The following CDH13 variants were observed in gnomAD, a reference collection of about 807,000 sequenced individuals.
CDH13 encodes cadherin 13, also known as cadherin-13.
A neutral mutation model predicts 63.8 loss-of-function variants in CDH13; 24 were observed. That is an observed-to-expected ratio of 0.38 (90% CI 0.27 to 0.53). The LOEUF (loss-of-function observed/expected upper bound fraction) is 0.53. CDH13 is among the 20% of genes least tolerant of loss of function. The pLI, the probability that CDH13 is intolerant of heterozygous loss-of-function variation, is 0.85. For missense variants in CDH13, 1,049 were observed against 903.1 expected, an observed-to-expected ratio of 1.16 and a Z score of -2.07; for synonymous variants, 503 against 355.3, an observed-to-expected ratio of 1.42 and a Z score of -4.67.
chr16:83,675,261 G>A (rs1050117273), intron 9 of CDH13, among the ~76,000 whole-genome samples: 2 of 152,204 alleles, frequency 1.3e-5, no homozygotes, highest in Non-Finnish European at 2.9e-5. Flanking sequence ...AGAGACCCAT[G>A]TGTCAGCAGC....
chr16:83,766,191 C>T (rs1035647308), intron 11 of CDH13, among the ~76,000 whole-genome samples: 2 of 152,174 alleles, frequency 1.3e-5, no homozygotes, highest in Non-Finnish European at 2.9e-5. Context: ...CCCCACCACA[C>T]ACTGTTTTCT....
chr16:82,837,112 T>C (rs1319312695), intron 1 of CDH13, among the ~76,000 whole-genome samples: 2 of 152,212 alleles, frequency 1.3e-5, no homozygotes, highest in Non-Finnish European at 2.9e-5. Context: ...TCCCTGTATT[T>C]TCCTCAGGCA....
chr16:83,177,127 C>G (rs1376788426), intron 4 of CDH13, among the ~76,000 whole-genome samples: 1 of 152,110 alleles, frequency 6.6e-6, no homozygotes, highest in African/African-American at 2.4e-5. Context: ...GATTTTAAAT[C>G]TTATTTAATT....
intron 2 of CDH13, among the ~76,000 whole-genome samples, chr16:82,928,889 A>G (rs1371230665): frequency 1.3e-5 from 2 of 152,186 alleles, no homozygotes; most frequent in Non-Finnish European, 2.9e-5. Flanking sequence ...TCTTCTGTGT[A>G]TTGATAAAGC....
intron 1 of CDH13, among the ~76,000 whole-genome samples, chr16:82,759,546 GTATAA>G (rs1264982048): frequency 6.7e-6 from 1 of 149,978 alleles, no homozygotes; most frequent in Non-Finnish European, 1.5e-5. Context: ...ATATGTATAT[GTATAA>G]TATAACATGA....
intron 5 of CDH13, among the ~76,000 whole-genome samples, chr16:83,316,277 G>C (rs1240992285): frequency 2.0e-5 from 3 of 152,212 alleles, no homozygotes; most frequent in African/African-American, 7.2e-5. Flanking sequence ...ATTTAGGTGT[G>C]TGACACAGAG....
chr16:83,143,484 A>G (rs917259202), intron 4 of CDH13, among the ~76,000 whole-genome samples: 4 of 152,226 alleles, frequency 2.6e-5, no homozygotes, highest in African/African-American at 7.2e-5. Flanking sequence ...TTTCTTGTAG[A>G]TAAATATTAC....
chr16:83,655,864 C>T (rs1473622031), intron 8 of CDH13, among the ~76,000 whole-genome samples: 1 of 152,074 alleles, frequency 6.6e-6, no homozygotes, highest in African/African-American at 2.4e-5. Flanking sequence ...GAGAAAGTGG[C>T]AGGGGGGAAA....
intron 5 of CDH13, among the ~76,000 whole-genome samples, chr16:83,301,188 C>G (rs1356485919): frequency 6.6e-6 from 1 of 151,714 alleles, no homozygotes; most frequent in Non-Finnish European, 1.5e-5. Context: ...CCCACCACCA[C>G]GCCCGGCTAA....
intron 4 of CDH13, among the ~76,000 whole-genome samples, chr16:83,148,255 A>G (rs1169995828): frequency 6.6e-6 from 1 of 152,164 alleles, no homozygotes; most frequent in Non-Finnish European, 1.5e-5. Flanking sequence ...TTGCTGTTTA[A>G]GGGGCCAGAG....
At chr16:82,991,246 C>T (rs539257334) in intron 2 of CDH13, among the ~76,000 whole-genome samples, 26 of 152,310 alleles carry the variant, frequency 1.7e-4, no homozygotes, top group Middle Eastern at 6.8e-3. Context: ...ATTGATCACA[C>T]GCTCTTAGGT....
At chr16:83,071,058 G>C (rs1351109214) in intron 3 of CDH13, among the ~76,000 whole-genome samples, 2 of 151,976 alleles carry the variant, frequency 1.3e-5, no homozygotes, top group African/African-American at 4.8e-5. Context: ...CACAACTGAA[G>C]GCTCTCCTAG....
chr16:83,550,255 C>T (rs986465912), intron 7 of CDH13, among the ~76,000 whole-genome samples: 2 of 152,204 alleles, frequency 1.3e-5, no homozygotes, highest in Non-Finnish European at 2.9e-5. Context: ...AGCTGGCCAG[C>T]AGGAGTTTGA....
At chr16:83,570,573 TAGCACAG>T in intron 7 of CDH13, among the ~76,000 whole-genome samples, 1 of 151,968 alleles carries the variant, frequency 6.6e-6, no homozygotes, top group East Asian at 1.9e-4. Flanking sequence ...GGGAAGGAAC[TAGCACAG>T]TGTATGCAAT....
intron 10 of CDH13, among the ~76,000 whole-genome samples, chr16:83,705,854 A>G (rs906043339): frequency 6.6e-6 from 1 of 152,218 alleles, no homozygotes; most frequent in African/African-American, 2.4e-5. Flanking sequence ...AACAATCTCT[A>G]TGTCTCCCAT....
chr16:83,008,158 G>A (rs1477503524), intron 2 of CDH13, among the ~76,000 whole-genome samples: 1 of 152,092 alleles, frequency 6.6e-6, no homozygotes, highest in Admixed American at 6.5e-5. Context: ...CGTGAAAGAG[G>A]CAGACAATAA....
intron 6 of CDH13, among the ~76,000 whole-genome samples, chr16:83,433,739 A>T (rs181710595): frequency 4.6e-5 from 7 of 152,206 alleles, no homozygotes; most frequent in Non-Finnish European, 7.3e-5. Flanking sequence ...CCTTGAATGT[A>T]CCATTAGCTA....
chr16:82,898,409 C>T (rs186098569), intron 2 of CDH13, among the ~76,000 whole-genome samples: 20 of 152,252 alleles, frequency 1.3e-4, no homozygotes, highest in African/African-American at 3.1e-4. Flanking sequence ...CCTGTAATTC[C>T]GGCTACTCAG....
At chr16:82,925,831 C>G (rs764962757) in intron 2 of CDH13, 1 of 152,162 alleles carries the variant, frequency 6.6e-6, no homozygotes, top group Non-Finnish European at 1.5e-5. Context: ...CTCCTACCAC[C>G]GAGGACTTGC....
Sources: gnomAD v4.1 joint callset for allele counts (sites outside exome capture counted in the v4.1 genomes callset) on GRCh38, gnomAD v4.1.1 for gene constraint, MANE v1.5 for transcripts, NCBI Gene and HGNC (gene_info 2026-07-23, HGNC 2026-07-21) for gene names.